DNAAF9: variants seen among roughly 807,000 people sequenced by gnomAD.
DNAAF9 encodes dynein axonemal assembly factor 9, also known as shulin.
DNAAF9 carries 90 observed loss-of-function variants against 167.0 expected under a neutral mutation model. The ratio of observed to expected loss-of-function variants is 0.54; its 90% CI spans 0.45 to 0.64. The LOEUF is 0.64. DNAAF9 is among the 30% of genes least tolerant of loss of function. DNAAF9 has a pLI of 0.00. For synonymous variants in DNAAF9, 491 were observed against 508.8 expected (o/e 0.96, Z 0.47); for missense variants, 1,315 against 1,442.2 (o/e 0.91, Z 1.43).
intron 16 of DNAAF9, among the ~76,000 whole-genome samples, chr20:3,320,122 G>A (rs186613318): frequency 6.6e-6 from 1 of 152,092 alleles, no homozygotes; most frequent in Non-Finnish European, 1.5e-5. Context: ...CATGTGGCAC[G>A]GGGAAAGAAA....
At chr20:3,371,333 C>CTTTTTT (rs532202424) in intron 6 of DNAAF9, among the ~76,000 whole-genome samples, 1 of 84,076 alleles carries the variant, frequency 1.2e-5, no homozygotes, top group Non-Finnish European at 2.2e-5. Context: ...TGAAGAAAAT[C>CTTTTTT]TTTTTTTTTT....
intron 7 of DNAAF9, among the ~76,000 whole-genome samples, chr20:3,351,563 G>C (rs765907642): frequency 1.3e-5 from 2 of 152,072 alleles, no homozygotes; most frequent in Non-Finnish European, 2.9e-5. Flanking sequence ...TAGGGGGCAG[G>C]GGGACAAAGA....
Position 3,315,047 on chromosome 20 carries a change from G to A in DNAAF9, c.1664C>T (p.Ser555Phe). ...TAGCTCCTTACCTTCCTCAGGCCAG[G>A]ACTGTAGATTGCTGGAATAAAGATA... ...GAYLYSSNLQ[S>F]WPEEGNVHFF... Residue 555 changes from serine (S) to phenylalanine (F), a missense_variant, in exon 20 of 37, where the codon TCC becomes TTC. Transcript: ENST00000252032. This position sits in a 1 kb window ranked among gnomAD's most constrained non-coding sequence, Gnocchi z 4.1. 6.2e-7 allele frequency: 1 copy of A among 1,605,818 alleles called. No homozygotes were observed. The highest frequency in any genetic ancestry group is 1.3e-5 in the African/African-American group (1 of 74,818).
intron 1 of DNAAF9, among the ~76,000 whole-genome samples, chr20:3,390,913 C>T (rs1600913935): frequency 6.6e-6 from 1 of 152,136 alleles, no homozygotes; most frequent in South Asian, 2.1e-4. Context: ...CTTCCCAACC[C>T]ATCAGACAGT....
intron 16 of DNAAF9, among the ~76,000 whole-genome samples, chr20:3,319,082 C>CAAAAAAAAAAAAAA (rs71195834): frequency 1.4e-4 from 10 of 71,134 alleles, no homozygotes; most frequent in African/African-American, 5.0e-4. Flanking sequence ...GACTCTGTCT[C>CAAAAAAAAAAAAAA]AAAAAAAAAA....
At chr20:3,344,170 A>G (rs2070146003) in intron 8 of DNAAF9, among the ~76,000 whole-genome samples, 1 of 152,180 alleles carries the variant, frequency 6.6e-6, no homozygotes, top group Non-Finnish European at 1.5e-5. Flanking sequence ...ATACATTAAT[A>G]TATACAAATT....
At chr20:3,326,739 C>A (rs1048821750) in intron 12 of DNAAF9, among the ~76,000 whole-genome samples, 6 of 123,056 alleles carry the variant, frequency 4.9e-5, no homozygotes, top group East Asian at 2.6e-4. Flanking sequence ...CAGAGTGGGA[C>A]CCTGTCTCAA....
At chr20:3,309,565 C>T (rs944361730) in intron 20 of DNAAF9, among the ~76,000 whole-genome samples, 3 of 152,128 alleles carry the variant, frequency 2.0e-5, no homozygotes, top group Non-Finnish European at 4.4e-5. Context: ...CTGGCACTGC[C>T]GATCAGTGGG....
Position 3,356,005 on chromosome 20 carries a change from C to T in DNAAF9, c.690+3511G>A, listed in dbSNP as rs1329910383. Among the ~76,000 whole-genome samples the T allele has an allele frequency of 3.3e-5, 5 of 151,868 alleles. No individual in the cohort carries two copies. In the East Asian group the frequency reaches 5.8e-4, roughly 18 times the overall value. On this transcript the variant is annotated intron_variant, in intron 7 of 36. Transcript: ENST00000252032. ...GTTTTAGTTCATCACTACATTAAAA[C>T]GTTTTAAGGGTAGGATCTGAACTTT...
intron 3 of DNAAF9, among the ~76,000 whole-genome samples, chr20:3,378,443 T>C (rs1450044199): frequency 1.3e-5 from 2 of 152,196 alleles, no homozygotes; most frequent in Non-Finnish European, 2.9e-5. Flanking sequence ...TAAGGAATAG[T>C]CTTCAATGCT....
In DNAAF9 at chr20:3,250,114, T is replaced by A. The variant is rs902089498; in HGVS notation, c.*2458A>T. ...AAAAGCATGTAAGCCCCGGGAGGAC[T>A]GCCTGTCCCTGGGAACCCACCCCCG... On this transcript the variant is annotated 3_prime_UTR_variant, in exon 37 of 37. Coordinates refer to ENST00000252032, the MANE Select transcript of DNAAF9 (RefSeq NM_001009984.3). 3.3e-5 allele frequency: 5 copies of A among 152,272 alleles called. No homozygotes were observed. The highest frequency in any genetic ancestry group is 7.3e-5 in the Non-Finnish European group (5 of 68,068). The allele number at this position is 152,272 out of a possible 1,614,324, so 9.4% of individuals were successfully genotyped here.
rs779584405 is a variant in DNAAF9, at chr20:3,250,866, T to A, written c.*1706A>T. Reference sequence around the variant, plus strand: ...GTTTGAGTTTTTAAAAAGAGTTCGGTAGAGCTAAAGGAAGCTACAGTAACT... The same window carrying A: ...GTTTGAGTTTTTAAAAAGAGTTCGGAAGAGCTAAAGGAAGCTACAGTAACT... On this transcript the variant is annotated 3_prime_UTR_variant, in exon 37 of 37. Transcript: ENST00000252032. The A allele has an allele frequency of 6.6e-6, 1 of 152,106 alleles. No individual in the cohort carries two copies. Among genetic ancestry groups the A allele is most frequent in the African/African-American group, 2.4e-5 (1 of 41,384 alleles). 9.4% of individuals were successfully genotyped at this position (152,106 alleles called of 1,614,324 possible).
chr20:3,368,872 C>CGTGA (rs1398698530), intron 6 of DNAAF9, among the ~76,000 whole-genome samples: 1 of 45,218 alleles, frequency 2.2e-5, no homozygotes, highest in East Asian at 7.6e-4. Flanking sequence ...AGGTGGCTCA[C>CGTGA]GCCTGTAATC....
chr20:3,295,120 C>T (rs534826658), intron 23 of DNAAF9, among the ~76,000 whole-genome samples: 8 of 152,116 alleles, frequency 5.3e-5, no homozygotes, highest in Admixed American at 2.6e-4. Context: ...CCGCCCACCT[C>T]GGCCTCCCAA....
At position 3,287,580 on chromosome 20, in the gene DNAAF9, G is replaced by A; in HGVS notation, c.2486+52C>T. 11 of 1,565,830 alleles carry A rather than the reference G, an allele frequency of 7.0e-6. No homozygotes were observed. The South Asian group carries it at 1.1e-4, about 16-fold the overall frequency. ...TTGTTACACATAAAATAAGAGTAAT[G>A]GCAAGGTCATCACCCTGATTCGACT... On this transcript the variant is annotated intron_variant, in intron 27 of 36. Coordinates refer to ENST00000252032, the MANE Select transcript of DNAAF9 (RefSeq NM_001009984.3).
At chr20:3,330,767 T>A in intron 11 of DNAAF9, 85 bp from the exon 12 acceptor site, 1 of 737,172 alleles carries the variant, frequency 1.4e-6, no homozygotes, top group Non-Finnish European at 2.3e-6. Context: ...TTAATTTACC[T>A]GGAAGGCATT....
chr20:3,346,804 CT>C (rs1173728453), intron 8 of DNAAF9, among the ~76,000 whole-genome samples: 1 of 152,036 alleles, frequency 6.6e-6, no homozygotes, highest in African/African-American at 2.4e-5. Flanking sequence ...ATCTCTTTCA[CT>C]CTTAGAATCA....
At position 3,260,585 on chromosome 20, in the gene DNAAF9, C is replaced by G. The variant is rs1018633751; in HGVS notation, c.2874-557G>C. On this transcript the variant is annotated intron_variant, in intron 31 of 36. Coordinates refer to ENST00000252032, the MANE Select transcript of DNAAF9 (RefSeq NM_001009984.3). ...CCAGTCCCCATCTGAGTTTGGGGGT[C>G]CTTCCTGGTACGGTGGGGGGCTCTT... 3.5e-5 allele frequency among the ~76,000 whole-genome samples: 5 copies of G among 144,228 alleles called. 1 individual carries two copies. The allele number at this position is 144,228 out of a possible 152,430, so 94.6% of individuals were successfully genotyped here.
Position 3,402,187 on chromosome 20 carries a change from T to C in DNAAF9, c.83+5288A>G, listed in dbSNP as rs115357576. On this transcript the variant is annotated intron_variant, in intron 1 of 36. Transcript: ENST00000252032. ...TAGAATCCTAGCATTCCTGATCCTATCTATGTGACTTACAGATATTGTCTT... is the reference window on the plus strand; with the variant it reads ...TAGAATCCTAGCATTCCTGATCCTACCTATGTGACTTACAGATATTGTCTT... Among the ~76,000 whole-genome samples, 825 of 152,282 alleles carry C rather than the reference T, an allele frequency of 5.4e-3. 2 individuals are homozygous for C. The highest frequency in any genetic ancestry group is 6.8e-3 in the Middle Eastern group (2 of 294).
Sources: allele counts gnomAD v4.1 joint callset (sites outside exome capture counted in the v4.1 genomes callset), GRCh38; gene constraint gnomAD v4.1.1; non-coding constraint Gnocchi (gnomAD v3.1); transcripts MANE v1.5; gene names NCBI Gene and HGNC (gene_info 2026-07-23, HGNC 2026-07-21).